The following MORC4 variants were observed in gnomAD, a reference collection of about 807,000 sequenced individuals.
MORC4 encodes MORC family CW-type zinc finger protein 4.
Under a neutral mutation model 65.5 loss-of-function variants are expected in MORC4, and 22 were observed. The ratio of observed to expected loss-of-function variants is 0.34; its 90% CI spans 0.24 to 0.48. The LOEUF is 0.48. Among genes scored for constraint, MORC4 ranks in the 20% least tolerant of loss-of-function variants. The pLI is 0.99. For missense variants in MORC4, 624 were observed against 703.0 expected (o/e 0.89, Z 1.27); for synonymous variants, 267 against 255.8 (o/e 1.04, Z -0.42).
chrX:106,950,715 A>G (rs1242760909), intron 14 of MORC4, among the ~76,000 whole-genome samples: 1 of 111,945 alleles, frequency 8.9e-6, no homozygotes, highest in Non-Finnish European at 1.9e-5. Flanking sequence ...GAGCTTCTAC[A>G]AAACAGAACT....
intron 9 of MORC4, among the ~76,000 whole-genome samples, chrX:106,976,105 A>G (rs781551914): frequency 9.0e-6 from 1 of 111,672 alleles, no homozygotes; most frequent in Non-Finnish European, 1.9e-5. Flanking sequence ...AGTTCCTTTC[A>G]GATTCTTACC....
At chrX:106,979,303 A>G (rs1934693067) in intron 7 of MORC4, among the ~76,000 whole-genome samples, 2 of 110,933 alleles carry the variant, frequency 1.8e-5, no homozygotes, top group Admixed American at 1.9e-4. Context: ...AAAACCTCAA[A>G]TAAGACCTAT....
chrX:106,993,875 T>C (rs1237020658), intron 2 of MORC4, among the ~76,000 whole-genome samples: 1 of 112,346 alleles, frequency 8.9e-6, no homozygotes, highest in Non-Finnish European at 1.9e-5. Context: ...CAGAGAGTAC[T>C]GCCATTCCTG....
chrX:106,941,754 A>G (rs1933689170), intron 16 of MORC4, 122 bp from the exon 17 acceptor site: 1 of 858,312 alleles, frequency 1.2e-6, no homozygotes, highest in Non-Finnish European at 1.6e-6. Context: ...ATTAGCTAGA[A>G]AGAAGAAAGC....
intron 9 of MORC4, among the ~76,000 whole-genome samples, chrX:106,969,486 T>A (rs190361766): frequency 0.065 from 7,169 of 110,961 alleles, 607 homozygotes; most frequent in African/African-American, 0.22. Flanking sequence ...AGAGCAGAAA[T>A]GAAGGAGATA....
intron 14 of MORC4, 151 bp from the exon 15 acceptor site, chrX:106,943,356 C>A: frequency 4.4e-6 from 2 of 459,021 alleles, no homozygotes; most frequent in Non-Finnish European, 7.4e-6. Flanking sequence ...ACTTTACCCA[C>A]AAGCCTCAAC....
rs565884580 is a variant in MORC4, at chrX:106,996,182, C to CTTTT, written c.176-2824_176-2821dup. ...AGTTTTGCCCAAACTTTACTAGGTA[C>CTTTT]TTTTTTTTTTTTTTTTTTTTTTACA... On this transcript the variant is annotated intron_variant, in intron 2 of 16. Transcript: ENST00000355610. 1.4e-3 allele frequency among the ~76,000 whole-genome samples: 120 copies of CTTTT among 85,242 alleles called. 1 individual carries two copies. The highest frequency in any genetic ancestry group is 4.7e-3 in the African/African-American group (110 of 23,191). The allele number at this position is 85,242 out of a possible 115,157, so 74.0% of individuals were successfully genotyped here.
In MORC4 at chrX:106,979,787, A is replaced by G. The variant is rs1163763776; in HGVS notation, c.936+1104T>C. Among the ~76,000 whole-genome samples the G allele has an allele frequency of 3.6e-5, 4 of 111,163 alleles. 1 individual carries two copies. The highest frequency in any genetic ancestry group is 1.3e-4 in the African/African-American group (4 of 30,669). ...ACAGGTATGTGTTATATCCTAACAC[A>G]GTAGTTGGCAAGCACTTCTTTAGAC... On this transcript the variant is annotated intron_variant, in intron 7 of 16. Transcript: ENST00000355610.
intron 14 of MORC4, among the ~76,000 whole-genome samples, chrX:106,947,568 A>AT (rs1933863999): frequency 1.5e-5 from 1 of 67,356 alleles, no homozygotes; most frequent in African/African-American, 6.9e-5. Flanking sequence ...CTATATATAT[A>AT]TATTATATAT....
intron 14 of MORC4, among the ~76,000 whole-genome samples, chrX:106,949,498 T>C (rs1157796401): frequency 8.9e-6 from 1 of 112,408 alleles, no homozygotes; most frequent in African/African-American, 3.2e-5. Context: ...TTAGATAATA[T>C]AGCAATTCTG....
chrX:106,979,268 T>C (rs1194425914), intron 7 of MORC4, among the ~76,000 whole-genome samples: 2 of 111,111 alleles, frequency 1.8e-5, no homozygotes, highest in Non-Finnish European at 3.8e-5. Context: ...GAATATATAA[T>C]GTTCTGGGCT....
At chrX:106,990,326 A>G (rs1934956620) in intron 3 of MORC4, among the ~76,000 whole-genome samples, 1 of 109,429 alleles carries the variant, frequency 9.1e-6, no homozygotes. Flanking sequence ...GCACAATCTC[A>G]GCTCACTGCA....
intron 14 of MORC4, among the ~76,000 whole-genome samples, chrX:106,950,962 G>C (rs1304338856): frequency 8.9e-6 from 1 of 111,867 alleles, no homozygotes; most frequent in Non-Finnish European, 1.9e-5. Flanking sequence ...TTCTCCCTTT[G>C]CTGTGTGCCC....
intron 9 of MORC4, among the ~76,000 whole-genome samples, chrX:106,962,340 C>A (rs1206022477): frequency 8.9e-6 from 1 of 112,094 alleles, no homozygotes; most frequent in East Asian, 2.8e-4. Flanking sequence ...GTGAAATGGT[C>A]ACAAGTGCTA....
chrX:106,981,585 A>G, intron 5 of MORC4, 108 bp from the exon 6 acceptor site: 2 of 703,579 alleles, frequency 2.8e-6, no homozygotes, highest in Non-Finnish European at 4.1e-6. Flanking sequence ...AAACTCAGGT[A>G]TCTGTTTCTT....
chrX:106,965,990 G>C (rs1934363690), intron 9 of MORC4, among the ~76,000 whole-genome samples: 1 of 111,973 alleles, frequency 8.9e-6, no homozygotes, highest in Non-Finnish European at 1.9e-5. Context: ...TGATGAAATT[G>C]GAAATTTAGC....
chrX:106,960,772 T>C (rs1432603417), intron 10 of MORC4, among the ~76,000 whole-genome samples: 11 of 112,323 alleles, frequency 9.8e-5, no homozygotes. Context: ...TCATCTTAGT[T>C]TGTACTTCTT....
At chrX:106,996,916 G>A (rs148321976) in intron 2 of MORC4, among the ~76,000 whole-genome samples, 3,449 of 112,019 alleles carry the variant, frequency 0.031, 138 homozygotes, top group African/African-American at 0.11. Flanking sequence ...GATGGCAAAT[G>A]GGAGATGGCT....
In MORC4 at chrX:106,980,979, A is replaced by AT; in HGVS notation, c.847dup (p.Ile283AsnfsTer23). ...AGTCACCTTCTTTTGACGCAGAAAA[A>AT]TTTTCATGCGTGGCTTCATGTATAG... On this transcript the variant is annotated frameshift_variant, in exon 7 of 17. Transcript: ENST00000355610. LOFTEE classifies it high-confidence loss of function. The AT allele has an allele frequency of 8.3e-7, 1 of 1,209,577 alleles. No homozygotes were observed. Among genetic ancestry groups the AT allele is most frequent in the Non-Finnish European group, 1.1e-6 (1 of 894,104 alleles).
Sources: gnomAD v4.1 joint callset for allele counts (sites outside exome capture counted in the v4.1 genomes callset) on GRCh38, gnomAD v4.1.1 for gene constraint, MANE v1.5 for transcripts, NCBI Gene and HGNC (gene_info 2026-07-23, HGNC 2026-07-21) for gene names.